ANKRD16: variants seen among roughly 807,000 people sequenced by gnomAD.
ANKRD16 encodes ankyrin repeat domain 16.
In ANKRD16, 35 loss-of-function variants were observed where a neutral mutation model predicts 37.9. The ratio of observed to expected loss-of-function variants is 0.92; its 90% confidence interval spans 0.71 to 1.23. ANKRD16 has a LOEUF of 1.23. Ranked by LOEUF, ANKRD16 falls within the 50% of genes most tolerant of loss-of-function variation. The pLI is 0.00. For missense variants in ANKRD16, 480 were observed against 469.9 expected, an observed-to-expected ratio of 1.02 and a Z score of -0.20; for synonymous variants, 206 against 197.2, an observed-to-expected ratio of 1.04 and a Z score of -0.37.
At chr10:5,873,521 G>T (rs553036218) in intron 7 of ANKRD16, among the ~76,000 whole-genome samples, 51 of 152,290 alleles carry the variant, frequency 3.3e-4, no homozygotes, top group African/African-American at 1.2e-3. Context: ...GGTTCCATCT[G>T]GGTGGTGGAA....
At chr10:5,881,472 A>ATATATATATATATATATATATATG in intron 5 of ANKRD16, among the ~76,000 whole-genome samples, 1 of 121,020 alleles carries the variant, frequency 8.3e-6, no homozygotes. Context: ...ATATATATAT[A>ATATATATATATATATATATATATG]TATATATATT....
rs1367278417 is a variant in ANKRD16, at chr10:5,889,681, G to A, written c.-327C>T. On this transcript the variant is annotated 5_prime_UTR_variant, in exon 1 of 8. Transcript: ENST00000380094. Reference sequence around the variant, plus strand: ...AGCACGGAGGGGCCTGGGGATCCGAGAGCGCTGGCGTCCGCCGTCCTGGAG... The same window carrying A: ...AGCACGGAGGGGCCTGGGGATCCGAAAGCGCTGGCGTCCGCCGTCCTGGAG... 5.7e-6 allele frequency: 1 copy of A among 174,866 alleles called. No homozygotes were observed. Among genetic ancestry groups the A allele is most frequent in the Non-Finnish European group, 1.2e-5 (1 of 83,334 alleles). 10.8% of individuals were successfully genotyped at this position (174,866 alleles called of 1,614,324 possible).
chr10:5,872,181 T>C lies in ANKRD16; in HGVS notation c.*33+5916A>G, dbSNP rs1479464478. 4.6e-5 allele frequency among the ~76,000 whole-genome samples: 7 copies of C among 151,986 alleles called. No homozygotes were observed. The South Asian group carries it at 1.2e-3, about 27-fold the overall frequency. On this transcript the variant is annotated intron_variant, in intron 7 of 7. Transcript: ENST00000380094. ...TTTAAAGAGCATTAGGATTTGCTTG[T>C]AAAATAAAGTTAGAGGGCCAAGTGT... is the stretch of plus-strand genomic sequence containing the variant.
intron 7 of ANKRD16, among the ~76,000 whole-genome samples, chr10:5,872,921 T>C (rs4319416): frequency 0.44 from 66,191 of 150,818 alleles, 14,932 homozygotes; most frequent in East Asian, 0.7. Flanking sequence ...AGTGCAGTGG[T>C]GTGATCTCGG....
At position 5,878,130 on chromosome 10, in the gene ANKRD16, T is replaced by C; in HGVS notation, c.1086A>G (p.Ter362=). 2 of 1,613,682 alleles carry C rather than the reference T, an allele frequency of 1.2e-6. No individual in the cohort carries two copies. Among genetic ancestry groups the C allele is most frequent in the Non-Finnish European group, 1.7e-6 (2 of 1,179,796 alleles). Reference sequence around the variant, plus strand: ...TTATTGCCTCCTCTTGGAAACATCCTTATGTCATTGCGCTATGGCCAGAGC... The same window carrying C: ...TTATTGCCTCCTCTTGGAAACATCCCTATGTCATTGCGCTATGGCCAGAGC... The part of the protein sequence containing the change: ...LQGSGHSAMT[*] Residue 362 remains the stop codon, a stop_retained_variant, in exon 7 of 8, where the codon TAA becomes TAG. Transcript: ENST00000380094. This position sits in a 1 kb window ranked among gnomAD's most constrained non-coding sequence, Gnocchi z 5.1.
At chr10:5,881,179 A>C (rs1329240214) in intron 5 of ANKRD16, 1 of 638,594 alleles carries the variant, frequency 1.6e-6, no homozygotes, top group South Asian at 7.0e-5. Flanking sequence ...GGTGACATTT[A>C]ATTATTAGAA....
chr10:5,872,291 C>T (rs926302129), intron 7 of ANKRD16, among the ~76,000 whole-genome samples: 20 of 151,876 alleles, frequency 1.3e-4, no homozygotes, highest in African/African-American at 4.1e-4. Flanking sequence ...CCAGCCTGGC[C>T]AACATGGTGA....
intron 5 of ANKRD16, among the ~76,000 whole-genome samples, chr10:5,881,438 T>TTATAAATAAATATA (rs1422263395): frequency 7.8e-5 from 4 of 51,026 alleles, no homozygotes; most frequent in South Asian, 6.2e-4. Flanking sequence ...AAAATATTAT[T>TTATAAATAAATATA]TATATATATA....
Position 5,882,997 on chromosome 10 carries a change from G to GT in ANKRD16, c.849+8dup, listed in dbSNP as rs1564418451. 1 of 1,612,164 alleles carries GT rather than the reference G, an allele frequency of 6.2e-7. No homozygotes were observed. ...GGAAGCTCGGACAACGTTATAAGAAGTAACAAACCTTAGCTGCATAATGAA... is the reference window on the plus strand; with the variant it reads ...GGAAGCTCGGACAACGTTATAAGAAGTTAACAAACCTTAGCTGCATAATGAA... On this transcript the variant is annotated intron_variant, in intron 5 of 7. Transcript: ENST00000380094.
chr10:5,883,777 G>A (rs1169103636), intron 4 of ANKRD16, among the ~76,000 whole-genome samples, 192 bp downstream of exon 4: 2 of 152,178 alleles, frequency 1.3e-5, no homozygotes, highest in Non-Finnish European at 2.9e-5. Flanking sequence ...AAAACTTTCT[G>A]AAGAAACTAC....
chr10:5,886,440 A>G (rs1196149818), intron 2 of ANKRD16, among the ~76,000 whole-genome samples: 1 of 152,148 alleles, frequency 6.6e-6, no homozygotes, highest in African/African-American at 2.4e-5. Context: ...AAAATATGAA[A>G]ATTAGCTGGG....
intron 7 of ANKRD16, among the ~76,000 whole-genome samples, chr10:5,875,741 C>G (rs1184457277): frequency 1.4e-5 from 2 of 139,976 alleles, no homozygotes; most frequent in Non-Finnish European, 3.0e-5. Context: ...GAGACAGAGT[C>G]TCATTCTGTC....
At chr10:5,867,085 T>C (rs1238960612) in intron 7 of ANKRD16, among the ~76,000 whole-genome samples, 3 of 152,238 alleles carry the variant, frequency 2.0e-5, no homozygotes, top group African/African-American at 4.8e-5. Context: ...TAATTGATAA[T>C]TGAAGGTCTT....
At position 5,868,252 on chromosome 10, in the gene ANKRD16, C is replaced by A. The variant is rs1842042962; in HGVS notation, c.*34-5561G>T. On this transcript the variant is annotated intron_variant, in intron 7 of 7. Transcript: ENST00000380094. This position sits in a 1 kb window ranked among gnomAD's most constrained non-coding sequence, Gnocchi z 4.9. ...CTAACTTCTACTGAGGACCCCTGGA[C>A]CAAACTGCTGGCCCTTTGACTGGCC... Among the ~76,000 whole-genome samples, 1 of 152,186 alleles carries A rather than the reference C, an allele frequency of 6.6e-6. No individual in the cohort carries two copies. Among genetic ancestry groups the A allele is most frequent in the South Asian group, 2.1e-4 (1 of 4,828 alleles).
At chr10:5,873,386 C>T (rs1842134808) in intron 7 of ANKRD16, among the ~76,000 whole-genome samples, 1 of 150,780 alleles carries the variant, frequency 6.6e-6, no homozygotes, top group Non-Finnish European at 1.5e-5. Context: ...ATTAGCCAGG[C>T]TAGTCTTGAA....
Position 5,866,674 on chromosome 10 carries a change from T to C in ANKRD16, c.*34-3983A>G, listed in dbSNP as rs1244794602. ...CAAAAACCCAAGGAGGTGGCAGTCT[T>C]ACACCGCCGAAGCCATCAAAAAGGG... On this transcript the variant is annotated intron_variant, in intron 7 of 7. Coordinates refer to ENST00000380094, the MANE Select transcript of ANKRD16 (RefSeq NM_019046.3). The surrounding 1 kb of genome is among the most constrained non-coding windows in gnomAD (Gnocchi z 4.3). 6.6e-6 allele frequency among the ~76,000 whole-genome samples: 1 copy of C among 152,072 alleles called. No individual in the cohort carries two copies. Among genetic ancestry groups the C allele is most frequent in the Admixed American group, 6.5e-5 (1 of 15,270 alleles).
rs1309471908 is a variant in ANKRD16, at chr10:5,863,490, C to G, written c.*34-799G>C. Among the ~76,000 whole-genome samples, 1 of 151,926 alleles carries G rather than the reference C, an allele frequency of 6.6e-6. No homozygotes were observed. Among genetic ancestry groups the G allele is most frequent in the Non-Finnish European group, 1.5e-5 (1 of 68,010 alleles). On this transcript the variant is annotated intron_variant, in intron 7 of 7. Coordinates refer to ENST00000380094, the MANE Select transcript of ANKRD16 (RefSeq NM_019046.3). The surrounding 1 kb of genome is among the most constrained non-coding windows in gnomAD (Gnocchi z 4.7). The stretch of plus-strand genomic sequence containing the variant: ...GTCTAGCTAAAGGATTGTAAACATA[C>G]CAATCAGCACGCTGTAAAGTGGACC...
rs756879380 is a variant in ANKRD16 at position 5,887,968 on chromosome 10, C to T, written c.414G>A (p.Trp138Ter). 3 of 1,614,210 alleles carry T rather than the reference C, an allele frequency of 1.9e-6. No homozygotes were observed. Among genetic ancestry groups the T allele is most frequent in the East Asian group, 4.5e-5 (2 of 44,888 alleles). Residue 138 changes from tryptophan to a stop codon, truncating the protein, a stop_gained, in exon 2 of 8, where the codon TGG (tryptophan) becomes TGA (stop). Transcript: ENST00000380094. LOFTEE classifies it high-confidence loss of function. ...CTCGACTGGCAATGTGGAAACTGTT[C>T]CAGCCATCTTTGTTCTTCAGGAGTG... ...ANPLLKNKDG[W>*]NSFHIASREG...
intron 3 of ANKRD16, among the ~76,000 whole-genome samples, chr10:5,885,329 C>T (rs913791371): frequency 6.6e-5 from 10 of 152,020 alleles, no homozygotes; most frequent in African/African-American, 1.9e-4. Flanking sequence ...TACAGGCGCC[C>T]GCCACCACGC....
Sources: gnomAD v4.1 joint callset for allele counts (sites outside exome capture counted in the v4.1 genomes callset) on GRCh38, gnomAD v4.1.1 for gene constraint, Gnocchi (gnomAD v3.1) non-coding constraint, MANE v1.5 for transcripts, NCBI Gene and HGNC (gene_info 2026-07-23, HGNC 2026-07-21) for gene names.